PIKFYVE: variants seen among roughly 807,000 people sequenced by gnomAD.
The protein encoded by PIKFYVE is phosphoinositide kinase, FYVE-type zinc finger containing, also known as 1-phosphatidylinositol 3-phosphate 5-kinase.
PIKFYVE carries 122 observed loss-of-function variants against 257.9 expected under a neutral mutation model. The observed-to-expected ratio is 0.47, with a 90% CI of 0.41 to 0.55. The LOEUF is 0.55. PIKFYVE is among the 20% of genes least tolerant of loss of function. The pLI is 0.00. For synonymous variants in PIKFYVE, 892 were observed against 868.9 expected (o/e 1.03, Z -0.47); for missense variants, 2,160 against 2,536.6 (o/e 0.85, Z 3.19).
chr2:208,345,139 G>C lies in PIKFYVE; in HGVS notation c.5056G>C (p.Glu1686Gln), dbSNP rs937538959. Residue 1686 changes from glutamate (E) to glutamine (Q), a missense_variant, in exon 33 of 42, where the codon GAA becomes CAA. Glu to Gln is a conservative substitution (Grantham distance 29). This residue lies in a region of PIKFYVE where 699 missense variants were observed against 855.8 expected (regional missense o/e 0.82). Transcript: ENST00000264380. ...TAAAGAATACCGAAATGCCTTAGAG[G>C]AATTGTCTAAAGCGACTCAGTGGAA... is the stretch of plus-strand genomic sequence containing the variant. ...SCKEYRNALE[E>Q]LSKATQWNSA... 11 of 1,608,336 alleles carry C rather than the reference G, an allele frequency of 6.8e-6. No homozygotes were observed. The highest frequency in any genetic ancestry group is 9.4e-6 in the Non-Finnish European group (11 of 1,176,208).
intron 7 of PIKFYVE, 149 bp from the exon 8 acceptor site, chr2:208,298,492 A>T: frequency 1.0e-6 from 1 of 997,040 alleles, no homozygotes. Flanking sequence ...TCTCCCAATG[A>T]TAATATCATG....
At chr2:208,337,368 C>T (rs1698236286) in intron 28 of PIKFYVE, among the ~76,000 whole-genome samples, 1 of 151,988 alleles carries the variant, frequency 6.6e-6, no homozygotes, top group African/African-American at 2.4e-5. Context: ...TTTTCTCTTG[C>T]TCAGTGACAG....
chr2:208,266,197 GA>G (rs1248331327), upstream of PIKFYVE: 6 of 151,980 alleles, frequency 3.9e-5, no homozygotes, highest in Non-Finnish European at 8.8e-5. Context: ...CGGCCCCCGG[GA>G]AAGATTTCGG....
At chr2:208,311,443 A>G (rs1694922802) in intron 12 of PIKFYVE, among the ~76,000 whole-genome samples, 1 of 152,170 alleles carries the variant, frequency 6.6e-6, no homozygotes. Flanking sequence ...TACTTGGAGA[A>G]AATTTTGTGG....
chr2:208,318,882 C>T (rs1458709393), intron 16 of PIKFYVE, among the ~76,000 whole-genome samples: 3 of 140,520 alleles, frequency 2.1e-5, no homozygotes, highest in East Asian at 4.2e-4. Flanking sequence ...ACCTTGGAGG[C>T]GAAGGTTGCA....
intron 37 of PIKFYVE, 45 bp from the exon 38 acceptor site, chr2:208,351,307 G>GTA (rs1177552292): frequency 7.7e-7 from 1 of 1,306,124 alleles, no homozygotes; most frequent in East Asian, 2.3e-5. Flanking sequence ...ATAGATTACA[G>GTA]TATATATTGT....
At chr2:208,298,944 G>A (rs1400342967) in intron 8 of PIKFYVE, among the ~76,000 whole-genome samples, 165 bp downstream of exon 8, 1 of 152,066 alleles carries the variant, frequency 6.6e-6, no homozygotes, top group African/African-American at 2.4e-5. Context: ...TCAGATTCAA[G>A]CGATTCTGGT....
intron 17 of PIKFYVE, among the ~76,000 whole-genome samples, chr2:208,323,053 C>A (rs1696470768): frequency 6.6e-6 from 1 of 150,728 alleles, no homozygotes; most frequent in East Asian, 2.0e-4. Flanking sequence ...GCAGAGTATT[C>A]CATGGTGTGT....
chr2:208,345,371 T>TA (rs1458851298), intron 33 of PIKFYVE, among the ~76,000 whole-genome samples, 177 bp downstream of exon 33: 5 of 152,144 alleles, frequency 3.3e-5, no homozygotes, highest in African/African-American at 1.2e-4. Context: ...CAAAAGAACT[T>TA]AAACAGTCCC....
At chr2:208,331,354 A>C (rs1165286570) in intron 23 of PIKFYVE, among the ~76,000 whole-genome samples, 1 of 152,020 alleles carries the variant, frequency 6.6e-6, no homozygotes, top group East Asian at 1.9e-4. Flanking sequence ...AAATATTCCA[A>C]ATTTAACTTA....
chr2:208,305,286 A>T, intron 12 of PIKFYVE: 1 of 1,311,620 alleles, frequency 7.6e-7, no homozygotes, highest in Non-Finnish European at 9.8e-7. Context: ...CTCTTCCCAT[A>T]ATGTGCAACT....
At chr2:208,284,644 T>C (rs1691305212) in intron 5 of PIKFYVE, among the ~76,000 whole-genome samples, 2 of 152,200 alleles carry the variant, frequency 1.3e-5, no homozygotes, top group African/African-American at 4.8e-5. Context: ...GTTAGTTTGC[T>C]TTTGAAATTC....
In PIKFYVE at chr2:208,354,106, C is replaced by A. The variant is rs1404434037; in HGVS notation, c.6053C>A (p.Ser2018Tyr). 6.2e-7 allele frequency: 1 copy of A among 1,613,916 alleles called. No homozygotes were observed. Reference sequence around the variant, plus strand: ...TCTAGCCACCTCATTATAGATTATTCTTTGCTGGTTGGGCGAGATGATACT... The same window carrying A: ...TCTAGCCACCTCATTATAGATTATTATTTGCTGGTTGGGCGAGATGATACT... ...FLSSHLIIDY[S>Y]LLVGRDDTSN... Residue 2018 changes from serine (S) to tyrosine (Y), a missense_variant, in exon 40 of 42, where the codon TCT (serine) becomes TAT (tyrosine). Around this residue, in one of 12 missense-constraint regions of PIKFYVE, gnomAD observed 699 missense variants for 855.8 expected, o/e 0.82. Transcript: ENST00000264380.
intron 2 of PIKFYVE, 134 bp downstream of exon 2, chr2:208,271,825 G>A: frequency 5.9e-6 from 5 of 848,046 alleles, no homozygotes; most frequent in Non-Finnish European, 9.1e-6. Context: ...GTAAGAAAGT[G>A]AAATATTAAC....
chr2:208,283,258 A>G (rs1691073639), intron 5 of PIKFYVE, among the ~76,000 whole-genome samples: 1 of 152,232 alleles, frequency 6.6e-6, no homozygotes, highest in African/African-American at 2.4e-5. Context: ...TAGCAATAGT[A>G]TCTGCATCTG....
chr2:208,338,461 G>A, intron 28 of PIKFYVE, 47 bp from the exon 29 acceptor site: 1 of 1,584,508 alleles, frequency 6.3e-7, no homozygotes, highest in Non-Finnish European at 8.7e-7. Context: ...TTTTTTGAAT[G>A]TGATTTTCAT....
At chr2:208,317,983 G>A in intron 16 of PIKFYVE, 42 bp downstream of exon 16, 2 of 1,569,732 alleles carry the variant, frequency 1.3e-6, no homozygotes, top group Non-Finnish European at 1.8e-6. Context: ...GCAAACCATG[G>A]CTGTGTGCTT....
chr2:208,352,118 A>C (rs948882989), intron 38 of PIKFYVE, among the ~76,000 whole-genome samples: 2 of 152,214 alleles, frequency 1.3e-5, no homozygotes, highest in African/African-American at 4.8e-5. Context: ...TTATATAAAA[A>C]ATCACTTAAG....
In PIKFYVE at chr2:208,324,933, G is replaced by A. The variant is rs746498244; in HGVS notation, c.2354G>A (p.Arg785Gln). The A allele has an allele frequency of 3.1e-6, 5 of 1,613,914 alleles. No homozygotes were observed. The highest frequency in any genetic ancestry group is 2.2e-5 in the South Asian group (2 of 91,062). The change falls in exon 19 of 42, where the codon CGA (arginine) becomes CAA (glutamine). Residue 785 changes from arginine to glutamine, a missense_variant. Arg to Gln is a conservative substitution (Grantham distance 43). Around this residue, in one of 12 missense-constraint regions of PIKFYVE, gnomAD observed 346 missense variants for 365.6 expected, o/e 0.95. Transcript: ENST00000264380. ...VKSQVLERIS[R>Q]MTQGDLVMSM... ...TAGCAAGTTTTGGAACGAATCAGTC[G>A]AATGACCCAAGGTGATTTAGTGATG...
Sources: allele counts gnomAD v4.1 joint callset (sites outside exome capture counted in the v4.1 genomes callset), GRCh38; gene constraint gnomAD v4.1.1; regional missense constraint gnomAD v4.1.1; transcripts MANE v1.5; gene names NCBI Gene and HGNC (gene_info 2026-07-23, HGNC 2026-07-21).